UBR3: variants seen among roughly 807,000 people sequenced by gnomAD.
UBR3 encodes the protein ubiquitin protein ligase E3 component n-recognin 3, also known as E3 ubiquitin-protein ligase UBR3.
A neutral mutation model predicts 243.2 loss-of-function variants in UBR3; 85 were observed. That is an observed-to-expected ratio of 0.35 (90% CI 0.29 to 0.42). UBR3 has a LOEUF of 0.42. Ranked by LOEUF, UBR3 falls within the 10% of genes least tolerant of loss-of-function variation. UBR3 has a pLI of 1.00. For synonymous variants in UBR3, 748 were observed against 799.8 expected, an observed-to-expected ratio of 0.94 and a Z score of 1.09; for missense variants, 1,686 against 2,300.8, an observed-to-expected ratio of 0.73 and a Z score of 5.47.
chr2:169,999,976 A>T (rs982774596), intron 26 of UBR3, among the ~76,000 whole-genome samples: 1 of 152,136 alleles, frequency 6.6e-6, no homozygotes, highest in Admixed American at 6.5e-5. Flanking sequence ...AAAATACAAA[A>T]TTAGCTGGAT....
At chr2:170,013,428 C>A (rs991016950) in intron 29 of UBR3, among the ~76,000 whole-genome samples, 2 of 151,978 alleles carry the variant, frequency 1.3e-5, no homozygotes, top group Non-Finnish European at 2.9e-5. Context: ...CACAGCAAGA[C>A]TTCATCTCTC....
In UBR3 at chr2:170,015,343, C is replaced by T. The variant is rs773634750; in HGVS notation, c.4430C>T (p.Thr1477Ile). The T allele has an allele frequency of 1.9e-6, 3 of 1,611,776 alleles. No individual in the cohort carries two copies. The highest frequency in any genetic ancestry group is 1.7e-6 in the Non-Finnish European group (2 of 1,178,710). ...GGNLCSGGASTAGKRSCLNQL... is the reference protein window; with the variant it reads ...GGNLCSGGASIAGKRSCLNQL... The stretch of plus-strand genomic sequence containing the variant: ...AATTTGTGTTCAGGTGGTGCAAGCA[C>T]AGCTGGCAAAAGGTCTTGTTTAAGT... The change falls in exon 30 of 39, where the codon ACA becomes ATA. Residue 1477 changes from threonine to isoleucine, a missense_variant. Thr to Ile is a moderately conservative substitution (Grantham distance 89). Around this residue, in one of 8 missense-constraint regions of UBR3, gnomAD observed 371 missense variants for 422.5 expected, o/e 0.88. Transcript: ENST00000272793.
intron 5 of UBR3, among the ~76,000 whole-genome samples, chr2:169,888,657 C>T (rs2084207782): frequency 6.6e-6 from 1 of 152,178 alleles, no homozygotes. Flanking sequence ...GATTCCACCT[C>T]ACTATCCCAG....
intron 25 of UBR3, among the ~76,000 whole-genome samples, chr2:169,990,614 T>C (rs915531204): frequency 6.6e-6 from 1 of 151,996 alleles, no homozygotes; most frequent in Non-Finnish European, 1.5e-5. Flanking sequence ...GGAGGAGTTT[T>C]TGTATATTTC....
At chr2:169,936,778 T>C (rs1032104521) in intron 19 of UBR3, among the ~76,000 whole-genome samples, 7 of 152,186 alleles carry the variant, frequency 4.6e-5, no homozygotes, top group Non-Finnish European at 1.0e-4. Flanking sequence ...GGTGTTTGGT[T>C]TTCTGTCCTT....
intron 24 of UBR3, among the ~76,000 whole-genome samples, chr2:169,959,730 C>T (rs1574288436): frequency 6.6e-6 from 1 of 152,090 alleles, no homozygotes; most frequent in Non-Finnish European, 1.5e-5. Context: ...ACCCTCAAAA[C>T]CAGAGAAGCT....
chr2:169,900,813 T>C (rs2084792974), intron 8 of UBR3, among the ~76,000 whole-genome samples: 1 of 152,146 alleles, frequency 6.6e-6, no homozygotes, highest in South Asian at 2.1e-4. Flanking sequence ...CTCATTTTAA[T>C]GTTCACTCCC....
At chr2:169,995,440 TTGA>T (rs1241662949) in intron 26 of UBR3, among the ~76,000 whole-genome samples, 1 of 152,232 alleles carries the variant, frequency 6.6e-6, no homozygotes, top group African/African-American at 2.4e-5. Context: ...TTTAGAAGTT[TTGA>T]TGATGTTTTT....
At chr2:170,056,372 G>C (rs2105443490) in intron 33 of UBR3, among the ~76,000 whole-genome samples, 1 of 152,200 alleles carries the variant, frequency 6.6e-6, no homozygotes, top group Non-Finnish European at 1.5e-5. Flanking sequence ...ATATGTACAA[G>C]TTCTTAGGAA....
chr2:169,932,805 A>G (rs139506364), intron 18 of UBR3, 107 bp from the exon 19 acceptor site: 1 of 955,380 alleles, frequency 1.0e-6, no homozygotes, highest in East Asian at 2.9e-5. Flanking sequence ...ATCAGATTAA[A>G]TTGTTCTGTG....
At chr2:169,843,709 ATTT>A (rs2082371825) in intron 1 of UBR3, among the ~76,000 whole-genome samples, 2 of 152,068 alleles carry the variant, frequency 1.3e-5, no homozygotes, top group South Asian at 4.2e-4. Context: ...TGACATGAGG[ATTT>A]TTGTATCTGT....
chr2:169,901,147 A>G (rs1383632448), intron 8 of UBR3, among the ~76,000 whole-genome samples: 1 of 152,046 alleles, frequency 6.6e-6, no homozygotes, highest in African/African-American at 2.4e-5. Flanking sequence ...ACTTTGTCCT[A>G]GTGTCTCTGC....
intron 31 of UBR3, among the ~76,000 whole-genome samples, chr2:170,037,385 C>T (rs896132208): frequency 6.6e-6 from 1 of 152,146 alleles, no homozygotes; most frequent in Admixed American, 6.6e-5. Flanking sequence ...AGCCCTTCCC[C>T]TCACTTATAA....
chr2:169,928,166 CTA>C (rs541959782), intron 17 of UBR3, among the ~76,000 whole-genome samples: 25 of 152,256 alleles, frequency 1.6e-4, no homozygotes, highest in African/African-American at 5.1e-4. Context: ...TCATTATGAA[CTA>C]TGTGTCAGTG....
chr2:169,879,402 G>GT (rs2083737889), intron 5 of UBR3, among the ~76,000 whole-genome samples: 2 of 152,178 alleles, frequency 1.3e-5, no homozygotes, highest in Middle Eastern at 3.4e-3. Context: ...AAATTTTATA[G>GT]TTTTTCCCCT....
chr2:169,936,911 C>T (rs1394761877), intron 19 of UBR3, among the ~76,000 whole-genome samples: 1 of 152,148 alleles, frequency 6.6e-6, no homozygotes, highest in East Asian at 1.9e-4. Context: ...TTTCTTAATC[C>T]AGTCTATCAT....
At chr2:169,878,932 A>C (rs1240136700) in intron 5 of UBR3, among the ~76,000 whole-genome samples, 2 of 152,160 alleles carry the variant, frequency 1.3e-5, no homozygotes, top group African/African-American at 2.4e-5. Context: ...ATTATTTTTG[A>C]AAATTTCGCT....
chr2:170,056,911 T>C (rs916864087), intron 33 of UBR3, among the ~76,000 whole-genome samples: 3 of 152,194 alleles, frequency 2.0e-5, no homozygotes, highest in African/African-American at 7.2e-5. Context: ...ATGTTACTTT[T>C]TTAGTCAAAA....
At chr2:169,979,591 C>T (rs763535450) in intron 24 of UBR3, among the ~76,000 whole-genome samples, 2 of 152,122 alleles carry the variant, frequency 1.3e-5, no homozygotes, top group East Asian at 1.9e-4. Flanking sequence ...AACTATTAAG[C>T]CACATGAAGA....
Sources: gnomAD v4.1 joint callset for allele counts (sites outside exome capture counted in the v4.1 genomes callset) on GRCh38, gnomAD v4.1.1 for gene constraint, gnomAD v4.1.1 regional missense constraint, MANE v1.5 for transcripts, NCBI Gene and HGNC (gene_info 2026-07-23, HGNC 2026-07-21) for gene names.